ZNF639: variants seen among roughly 807,000 people sequenced by gnomAD.
ZNF639 encodes zinc finger protein 639, also known as zinc finger amplified in esophageal squamous cell carcinomas 1.
ZNF639 carries 20 observed loss-of-function variants against 39.8 expected under a neutral mutation model. That is an observed-to-expected ratio of 0.50 (90% confidence interval 0.35 to 0.73). The LOEUF is 0.73. Ranked by LOEUF, ZNF639 falls within the 30% of genes least tolerant of loss-of-function variation. The pLI, the probability that ZNF639 is intolerant of heterozygous loss-of-function variation, is 0.00. For missense variants in ZNF639, 477 were observed against 566.2 expected, an observed-to-expected ratio of 0.84 and a Z score of 1.60; for synonymous variants, 176 against 189.8, an observed-to-expected ratio of 0.93 and a Z score of 0.60.
chr3:179,329,645 A>G lies in ZNF639; in HGVS notation c.86A>G (p.Asp29Gly). Reference sequence around the variant, plus strand: ...TCCTCTGGAATAAGCAGAATTGCAGATGGATTCAATGGAATTTTCTCTGAT... The same window carrying G: ...TCCTCTGGAATAAGCAGAATTGCAGGTGGATTCAATGGAATTTTCTCTGAT... ...SDSSGISRIA[D>G]GFNGIFSDHC... Residue 29 changes from aspartate (D) to glycine (G), a missense_variant, in exon 4 of 6, where the codon GAT (aspartate) becomes GGT (glycine). Coordinates refer to ENST00000496856, the MANE Select transcript of ZNF639 (RefSeq NM_001303426.2). The G allele has an allele frequency of 1.2e-6, 2 of 1,608,190 alleles. No individual in the cohort carries two copies. The highest frequency in any genetic ancestry group is 1.7e-6 in the Non-Finnish European group (2 of 1,176,768).
At chr3:179,323,510 C>A (rs971803941) in intron 1 of ZNF639, among the ~76,000 whole-genome samples, 3 of 152,190 alleles carry the variant, frequency 2.0e-5, no homozygotes, top group Non-Finnish European at 4.4e-5. Context: ...CCCTCGGCCC[C>A]CTGCTGCCGT....
In ZNF639 at chr3:179,329,654, A is replaced by G. The variant is rs149386091; in HGVS notation, c.95A>G (p.Asn32Ser). 6.2e-7 allele frequency: 1 copy of G among 1,609,600 alleles called. No individual in the cohort carries two copies. Among genetic ancestry groups the G allele is most frequent in the African/African-American group, 1.3e-5 (1 of 74,824 alleles). Residue 32 changes from asparagine (N) to serine (S), a missense_variant, in exon 4 of 6, where the codon AAT becomes AGT. By Grantham distance (46) the Asn-to-Ser change is conservative. Transcript: ENST00000496856. ...ATAAGCAGAATTGCAGATGGATTCA[A>G]TGGAATTTTCTCTGATCATTGTTAC... ...SGISRIADGF[N>S]GIFSDHCYSV...
At chr3:179,322,922 G>A (rs1339977368), upstream of ZNF639, 1 of 984,854 alleles carries the variant, frequency 1.0e-6, no homozygotes, top group East Asian at 1.1e-4. Context: ...GCCTCCCCCG[G>A]GGCTGCGGGC....
chr3:179,331,176 C>A (rs1037510903), intron 4 of ZNF639, among the ~76,000 whole-genome samples: 3 of 152,142 alleles, frequency 2.0e-5, no homozygotes, highest in African/African-American at 7.2e-5. Flanking sequence ...GGGCACACGT[C>A]AACTTAAAGA....
At chr3:179,328,547 A>G (rs147282859) in intron 3 of ZNF639, among the ~76,000 whole-genome samples, 196 bp downstream of exon 3, 3 of 152,220 alleles carry the variant, frequency 2.0e-5, no homozygotes, top group African/African-American at 7.2e-5. Flanking sequence ...AGAACTTTAC[A>G]GACATTATAT....
chr3:179,337,411 A>T lies in ZNF639; in HGVS notation c.*2989A>T, dbSNP rs1218172746. On this transcript the variant is annotated 3_prime_UTR_variant, in exon 6 of 6. Transcript: ENST00000496856. ...GAGTGTAGTGGCGTGATCTTGGCTC[A>T]AGGCAACCTCCACCTCTCAGGTGTA... 1.3e-5 allele frequency: 2 copies of T among 149,440 alleles called. No individual in the cohort carries two copies. Among genetic ancestry groups the T allele is most frequent in the African/African-American group, 4.9e-5 (2 of 40,560 alleles). The allele number at this position is 149,440 out of a possible 1,614,324, so 9.3% of individuals were successfully genotyped here.
chr3:179,333,340 G>A lies in ZNF639; in HGVS notation c.376G>A (p.Glu126Lys). The stretch of plus-strand genomic sequence containing the variant: ...TGAATCAGTCAACCAGCAAACCCAA[G>A]AGGAGAGTCCTATAGAAGTTCACAC... ...SPESVNQQTQ[E>K]ESPIEVHTAE... Residue 126 changes from glutamate (E) to lysine (K), a missense_variant, in exon 6 of 6, where the codon GAG (glutamate) becomes AAG (lysine). By Grantham distance (56) the Glu-to-Lys change is moderately conservative. Transcript: ENST00000496856. 4.3e-6 allele frequency: 7 copies of A among 1,614,002 alleles called. No homozygotes were observed. Among genetic ancestry groups the A allele is most frequent in the Non-Finnish European group, 5.9e-6 (7 of 1,179,976 alleles).
Position 179,323,310 on chromosome 3 carries a change from C to T in ZNF639, c.-83+19C>T. ...CTGACTGGTGAGTGTGAGGGAGGAG[C>T]GGGTGGGTCGGGCGCTGGACTGCTC... is the stretch of plus-strand genomic sequence containing the variant. On this transcript the variant is annotated intron_variant, in intron 1 of 5. Coordinates refer to ENST00000496856, the MANE Select transcript of ZNF639 (RefSeq NM_001303426.2). 2 of 985,210 alleles carry T rather than the reference C, an allele frequency of 2.0e-6. No individual in the cohort carries two copies. Among genetic ancestry groups the T allele is most frequent in the Non-Finnish European group, 2.4e-6 (2 of 829,984 alleles). The allele number at this position is 985,210 out of a possible 1,614,324, so 61.0% of individuals were successfully genotyped here. A position where few individuals can be genotyped will look rare whatever the true frequency, so the allele number is the denominator to read the frequency against.
rs2108509739 is a variant in ZNF639 at position 179,335,263 on chromosome 3, TA to T, written c.*844del. The stretch of plus-strand genomic sequence containing the variant: ...TGTGGCACCATGCCCGCTAAGTTTT[TA>T]AATTTCTTGTAGAGATGAGATCTCG... On this transcript the variant is annotated 3_prime_UTR_variant, in exon 6 of 6. Transcript: ENST00000496856. 2 of 152,284 alleles carry T rather than the reference TA, an allele frequency of 1.3e-5. No individual in the cohort carries two copies. The highest frequency in any genetic ancestry group is 4.8e-5 in the African/African-American group (2 of 41,560). 9.4% of individuals were successfully genotyped at this position (152,284 alleles called of 1,614,324 possible). A position where few individuals can be genotyped will look rare whatever the true frequency, so the allele number is the denominator to read the frequency against.
At position 179,333,823 on chromosome 3, in the gene ZNF639, C is replaced by A; in HGVS notation, c.859C>A (p.His287Asn). 6.2e-7 allele frequency: 1 copy of A among 1,614,142 alleles called. No individual in the cohort carries two copies. Among genetic ancestry groups the A allele is most frequent in the Non-Finnish European group, 8.5e-7 (1 of 1,180,022 alleles). Residue 287 changes from histidine (H) to asparagine (N), a missense_variant, in exon 6 of 6, where the codon CAC (histidine) becomes AAC (asparagine). Physicochemically the swap from His to Asn is moderately conservative, Grantham distance 68. Transcript: ENST00000496856. ...CATTGCAGACACCCATTTTAGTGATCACCTCTATTGGTGTGAACAGTGTGA... is the reference window on the plus strand; with the variant it reads ...CATTGCAGACACCCATTTTAGTGATAACCTCTATTGGTGTGAACAGTGTGA... ...QHIADTHFSD[H>N]LYWCEQCDVQ...
At chr3:179,326,175 A>G (rs966057054) in intron 1 of ZNF639, among the ~76,000 whole-genome samples, 1 of 152,182 alleles carries the variant, frequency 6.6e-6, no homozygotes, top group African/African-American at 2.4e-5. Flanking sequence ...TACTAAAAAT[A>G]CAAAAATTAG....
rs1435485204 is a variant in ZNF639 at position 179,335,621 on chromosome 3, G to A, written c.*1199G>A. 1.3e-5 allele frequency: 2 copies of A among 152,178 alleles called. No homozygotes were observed. The highest frequency in any genetic ancestry group is 2.9e-5 in the Non-Finnish European group (2 of 68,036). The allele number at this position is 152,178 out of a possible 1,614,324, so 9.4% of individuals were successfully genotyped here. A position where few individuals can be genotyped will look rare whatever the true frequency, so the allele number is the denominator to read the frequency against. ...AAATTTATGGTCTCACAGTTGTGAA[G>A]GCCAGACATTCAAAATGGAGTTATT... is the stretch of plus-strand genomic sequence containing the variant. On this transcript the variant is annotated 3_prime_UTR_variant, in exon 6 of 6. Transcript: ENST00000496856.
At chr3:179,322,946 C>G (rs991069180), upstream of ZNF639, 3 of 985,054 alleles carry the variant, frequency 3.0e-6, no homozygotes, top group African/African-American at 1.7e-5. Context: ...TGGTCCCTCC[C>G]AGGCCGCGTG....
At chr3:179,325,782 G>A (rs1392847677) in intron 1 of ZNF639, among the ~76,000 whole-genome samples, 1 of 152,154 alleles carries the variant, frequency 6.6e-6, no homozygotes. Context: ...TTGGGAGGCT[G>A]AGGCAGGAGA....
intron 3 of ZNF639, 147 bp from the exon 4 acceptor site, chr3:179,329,471 A>C (rs899897289): frequency 7.5e-6 from 4 of 536,454 alleles, no homozygotes; most frequent in African/African-American, 2.0e-5. Flanking sequence ...CTGAAATATA[A>C]AAGCTTTAAA....
Position 179,338,322 on chromosome 3 carries a change from TACAATGAGTTATTTTGAAATTCCAA to T in ZNF639, c.*3902_*3926del, listed in dbSNP as rs1576995507. ...TTCTTGCTGTTTTAAATCTTCATCT[TACAATGAGTTATTTTGAAATTCCAA>T]AACATTTCCCTGTATTCCAGAAATT... On this transcript the variant is annotated 3_prime_UTR_variant, in exon 6 of 6. Transcript: ENST00000496856. 1 of 152,328 alleles carries T rather than the reference TACAATGAGTTATTTTGAAATTCCAA, an allele frequency of 6.6e-6. No homozygotes were observed. Among genetic ancestry groups the T allele is most frequent in the East Asian group, 1.9e-4 (1 of 5,184 alleles). The allele number at this position is 152,328 out of a possible 1,614,324, so 9.4% of individuals were successfully genotyped here. A position where few individuals can be genotyped will look rare whatever the true frequency, so the allele number is the denominator to read the frequency against.
Position 179,323,185 on chromosome 3 carries a change from C to CCCGCCGCCGTGCGT in ZNF639, c.-184_-171dup, listed in dbSNP as rs1231546944. ...GAGCGCTAGGGCCGGAGCAGCGCTGCCCGCCGCCGTGCGTCCGCGGGAAGG... is the reference window on the plus strand; with the variant it reads ...GAGCGCTAGGGCCGGAGCAGCGCTGCCCGCCGCCGTGCGTCCGCCGCCGTGCGTCCGCGGGAAGG... On this transcript the variant is annotated 5_prime_UTR_variant, in exon 1 of 6. Coordinates refer to ENST00000496856, the MANE Select transcript of ZNF639 (RefSeq NM_001303426.2). 5.4e-5 allele frequency: 53 copies of CCCGCCGCCGTGCGT among 984,766 alleles called. 1 individual carries two copies. In the East Asian group the frequency reaches 2.1e-3, roughly 38 times the overall value. The allele number at this position is 984,766 out of a possible 1,614,324, so 61.0% of individuals were successfully genotyped here.
Position 179,336,331 on chromosome 3 carries a change from C to CAGT in ZNF639, c.*1910_*1911insGTA, listed in dbSNP as rs35803406. The stretch of plus-strand genomic sequence containing the variant: ...CCTCAAATTTAACAAGCACTGCTAA[C>CAGT]ATTATTTTTTAGGTTTATTGATATA... On this transcript the variant is annotated 3_prime_UTR_variant, in exon 6 of 6. Coordinates refer to ENST00000496856, the MANE Select transcript of ZNF639 (RefSeq NM_001303426.2). 5 of 151,654 alleles carry CAGT rather than the reference C, an allele frequency of 3.3e-5. No individual in the cohort carries two copies. Among genetic ancestry groups the CAGT allele is most frequent in the Non-Finnish European group, 7.4e-5 (5 of 67,900 alleles). 9.4% of individuals were successfully genotyped at this position (151,654 alleles called of 1,614,324 possible).
chr3:179,326,786 C>G (rs1034048828), intron 1 of ZNF639, among the ~76,000 whole-genome samples: 1 of 151,684 alleles, frequency 6.6e-6, no homozygotes. Flanking sequence ...CCATCACACC[C>G]GGCTGATTTT....
Sources: allele counts gnomAD v4.1 joint callset (sites outside exome capture counted in the v4.1 genomes callset), GRCh38; gene constraint gnomAD v4.1.1; transcripts MANE v1.5; gene names NCBI Gene and HGNC (gene_info 2026-07-23, HGNC 2026-07-21).